The following HGF variants were observed in gnomAD, a reference collection of about 807,000 sequenced individuals.
HGF encodes the protein fibroblast-derived tumor cytotoxic factor.
HGF carries 39 observed loss-of-function variants against 111.6 expected under a neutral mutation model. The ratio of observed to expected loss-of-function variants is 0.35; its 90% CI spans 0.27 to 0.46. The LOEUF is 0.46. Among genes scored for constraint, HGF ranks in the 20% least tolerant of loss-of-function variants. HGF has a pLI of 1.00. For synonymous variants in HGF, 285 were observed against 294.8 expected, an observed-to-expected ratio of 0.97 and a Z score of 0.34; for missense variants, 735 against 910.5, an observed-to-expected ratio of 0.81 and a Z score of 2.48.
At chr7:81,764,989 A>G (rs560804672) in intron 1 of HGF, among the ~76,000 whole-genome samples, 11 of 152,228 alleles carry the variant, frequency 7.2e-5, no homozygotes, top group African/African-American at 2.4e-4. Flanking sequence ...TGAAACAACT[A>G]TTCACCAAAA....
intron 1 of HGF, among the ~76,000 whole-genome samples, chr7:81,765,776 C>T (rs1043842340): frequency 1.3e-5 from 2 of 152,168 alleles, no homozygotes; most frequent in Admixed American, 1.3e-4. Flanking sequence ...TCAACTTTCT[C>T]CTCCATATGT....
At chr7:81,746,071 G>T (rs1364030443) in intron 5 of HGF, among the ~76,000 whole-genome samples, 1 of 152,170 alleles carries the variant, frequency 6.6e-6, no homozygotes, top group African/African-American at 2.4e-5. Context: ...AGTGGGAAGA[G>T]GCATCAATGT....
Position 81,756,253 on chromosome 7 carries a change from T to C in HGF, c.482+936A>G, listed in dbSNP as rs972306745. The C allele has an allele frequency of 4.3e-5, 24 of 553,372 alleles. No individual in the cohort carries two copies. The South Asian group carries it at 5.6e-4, about 13-fold the overall frequency. The allele number at this position is 553,372 out of a possible 1,614,324, so 34.3% of individuals were successfully genotyped here. The stretch of plus-strand genomic sequence containing the variant: ...CTTCAGTTTTGTCATGTAGGTAAAA[T>C]AGAACCAATAAAACTACCCGCTGTG... On this transcript the variant is annotated intron_variant, in intron 4 of 17. Coordinates refer to ENST00000222390, the MANE Select transcript of HGF (RefSeq NM_000601.6).
chr7:81,744,140 CA>C (rs1370269015), intron 6 of HGF, among the ~76,000 whole-genome samples: 1 of 152,024 alleles, frequency 6.6e-6, no homozygotes, highest in Non-Finnish European at 1.5e-5. Context: ...AGAAAAAGAA[CA>C]AAGAAAAAAC....
At chr7:81,727,088 T>C (rs1271906806) in intron 8 of HGF, among the ~76,000 whole-genome samples, 3 of 151,326 alleles carry the variant, frequency 2.0e-5, no homozygotes, top group Non-Finnish European at 2.9e-5. Flanking sequence ...TCGCCCAAGC[T>C]GGAGTGCAGT....
At chr7:81,740,393 C>G (rs1216030233) in intron 7 of HGF, among the ~76,000 whole-genome samples, 1 of 152,150 alleles carries the variant, frequency 6.6e-6, no homozygotes, top group Admixed American at 6.5e-5. Context: ...TGTGGTCCCC[C>G]AGATCCCCAC....
intron 7 of HGF, among the ~76,000 whole-genome samples, chr7:81,735,537 T>A (rs1197287201): frequency 1.3e-5 from 2 of 152,242 alleles, no homozygotes; most frequent in Middle Eastern, 6.8e-3. Flanking sequence ...GTAAAAATTA[T>A]TTTGTAATTG....
chr7:81,746,786 T>G (rs1174389486), intron 5 of HGF, among the ~76,000 whole-genome samples: 1 of 152,088 alleles, frequency 6.6e-6, no homozygotes, highest in East Asian at 1.9e-4. Context: ...CTTACACATT[T>G]TAATGGTTTT....
chr7:81,767,820 G>A (rs1339946296), intron 1 of HGF, among the ~76,000 whole-genome samples: 1 of 151,844 alleles, frequency 6.6e-6, no homozygotes, highest in Non-Finnish European at 1.5e-5. Context: ...ATCAAAGCTA[G>A]TAACAACAAA....
intron 2 of HGF, among the ~76,000 whole-genome samples, chr7:81,761,434 G>A (rs922188652): frequency 6.6e-6 from 1 of 151,932 alleles, no homozygotes; most frequent in African/African-American, 2.4e-5. Flanking sequence ...TCTGAAAAAG[G>A]CAAGATGAAA....
At chr7:81,705,621 G>T (rs1281466518) in intron 16 of HGF, 26 bp downstream of exon 16, 1 of 1,589,240 alleles carries the variant, frequency 6.3e-7, no homozygotes, top group Admixed American at 1.7e-5. Flanking sequence ...AATAAATATG[G>T]CCTCATCTTT....
In HGF at chr7:81,752,258, A is replaced by C; in HGVS notation, c.487T>G (p.Leu163Val). 2 of 1,613,310 alleles carry C rather than the reference A, an allele frequency of 1.2e-6. No homozygotes were observed. Among genetic ancestry groups the C allele is most frequent in the Non-Finnish European group, 1.7e-6 (2 of 1,179,330 alleles). ...SSMIPHEHSF[L>V]PSSYRGKDLQ... ...TCTTTACCCCGATAGCTCGAAGGCA[A>C]AAAGCTAGTTTTAAAATGATAATCA... The change falls in exon 5 of 18, where the codon TTG becomes GTG. Residue 163 changes from leucine to valine, a missense_variant. Physicochemically the swap from Leu to Val is conservative, Grantham distance 32. This residue lies in a region of HGF where 553 missense variants were observed against 685.6 expected (regional missense o/e 0.81). Transcript: ENST00000222390.
intron 7 of HGF, among the ~76,000 whole-genome samples, chr7:81,742,416 T>C (rs1018089126): frequency 2.0e-5 from 3 of 152,222 alleles, no homozygotes; most frequent in Non-Finnish European, 4.4e-5. Context: ...CTCTAGGTGC[T>C]GGTGCCTGAT....
chr7:81,707,963 G>C (rs891131363), intron 13 of HGF, among the ~76,000 whole-genome samples: 1 of 152,084 alleles, frequency 6.6e-6, no homozygotes, highest in African/African-American at 2.4e-5. Context: ...AATTTTGCAA[G>C]GCAAATCATT....
chr7:81,768,720 C>A (rs556741320), intron 1 of HGF, among the ~76,000 whole-genome samples: 1 of 152,126 alleles, frequency 6.6e-6, no homozygotes, highest in Non-Finnish European at 1.5e-5. Flanking sequence ...AGCATGATAA[C>A]CTGCTTGATT....
At chr7:81,767,397 C>A (rs372836777) in intron 1 of HGF, among the ~76,000 whole-genome samples, 3 of 151,990 alleles carry the variant, frequency 2.0e-5, no homozygotes, top group Non-Finnish European at 4.4e-5. Flanking sequence ...GGTCTTTGAA[C>A]CGGCTAAATG....
chr7:81,720,889 G>T, intron 9 of HGF, 42 bp from the exon 10 acceptor site: 1 of 1,066,780 alleles, frequency 9.4e-7, no homozygotes, highest in Non-Finnish European at 1.5e-6. Flanking sequence ...TGAATATCAA[G>T]GCAGATAAAA....
At chr7:81,708,524 CTTTTTTTTT>C (rs3081099) in intron 13 of HGF, among the ~76,000 whole-genome samples, 23 of 72,472 alleles carry the variant, frequency 3.2e-4, no homozygotes, top group South Asian at 6.1e-4. Flanking sequence ...TTCCTTCCTT[CTTTTTTTTT>C]TTTTTTTTTT....
intron 9 of HGF, among the ~76,000 whole-genome samples, chr7:81,725,297 AG>A (rs936130814): frequency 1.3e-5 from 2 of 152,148 alleles, no homozygotes; most frequent in Admixed American, 1.3e-4. Context: ...ATTTTGTACT[AG>A]CTATAGTGAT....
Sources: allele counts gnomAD v4.1 joint callset (sites outside exome capture counted in the v4.1 genomes callset), GRCh38; gene constraint gnomAD v4.1.1; regional missense constraint gnomAD v4.1.1; transcripts MANE v1.5; gene names NCBI Gene and HGNC (gene_info 2026-07-23, HGNC 2026-07-21).